The following KIAA1217 variants were observed in gnomAD, a reference collection of about 807,000 sequenced individuals.
KIAA1217 encodes sickle tail protein homolog.
Under a neutral mutation model 163.9 loss-of-function variants are expected in KIAA1217, and 88 were observed. The ratio of observed to expected loss-of-function variants is 0.54; its 90% CI spans 0.45 to 0.64. The LOEUF (loss-of-function observed/expected upper bound fraction) is 0.64. Ranked by LOEUF, KIAA1217 falls within the 30% of genes least tolerant of loss-of-function variation. The probability of loss-of-function intolerance (pLI) is 0.00; values close to 1 mark genes in which losing one functional copy is unlikely to be tolerated. For missense variants in KIAA1217, 2,372 were observed against 2,475.0 expected, an observed-to-expected ratio of 0.96 and a Z score of 0.88; for synonymous variants, 903 against 923.1, an observed-to-expected ratio of 0.98 and a Z score of 0.39.
intron 1 of KIAA1217, among the ~76,000 whole-genome samples, chr10:23,882,097 G>A (rs943464786): frequency 7.9e-5 from 12 of 151,884 alleles, no homozygotes; most frequent in South Asian, 2.1e-4. Flanking sequence ...TTAAAGTTTC[G>A]AATACATTCA....
At chr10:23,958,683 G>A (rs1002199338) in intron 1 of KIAA1217, among the ~76,000 whole-genome samples, 5 of 152,062 alleles carry the variant, frequency 3.3e-5, no homozygotes, top group Non-Finnish European at 7.4e-5. Context: ...GAGAGTGAGA[G>A]ATTGTTTGGT....
At chr10:24,175,549 ATTCT>A (rs2065840616) in intron 2 of KIAA1217, among the ~76,000 whole-genome samples, 1 of 152,030 alleles carries the variant, frequency 6.6e-6, no homozygotes, top group African/African-American at 2.4e-5. Flanking sequence ...CCATTCATTC[ATTCT>A]TTTTTTGAGT....
At chr10:24,138,646 CAA>C (rs35117486) in intron 2 of KIAA1217, among the ~76,000 whole-genome samples, 2 of 143,946 alleles carry the variant, frequency 1.4e-5, no homozygotes, top group Non-Finnish European at 3.0e-5. Context: ...ATTCATTAAC[CAA>C]AAAAAAAAAA....
chr10:24,484,968 T>G (rs745580806), intron 6 of KIAA1217, among the ~76,000 whole-genome samples: 41 of 152,062 alleles, frequency 2.7e-4, no homozygotes, highest in Non-Finnish European at 4.9e-4. Context: ...CCTGGAGCCT[T>G]CCCTAAGTGC....
At chr10:24,171,195 T>C (rs2131914513) in intron 2 of KIAA1217, among the ~76,000 whole-genome samples, 1 of 152,342 alleles carries the variant, frequency 6.6e-6, no homozygotes, top group African/African-American at 2.4e-5. Context: ...CAAATGGGTT[T>C]GTGATGACAT....
chr10:24,176,576 CAG>C (rs2065901040), intron 2 of KIAA1217, among the ~76,000 whole-genome samples: 2 of 152,216 alleles, frequency 1.3e-5, no homozygotes, highest in African/African-American at 2.4e-5. Flanking sequence ...GAGCTAGACA[CAG>C]AGTGCTGATT....
chr10:24,415,788 CT>C (rs1276519154), intron 3 of KIAA1217, among the ~76,000 whole-genome samples: 1 of 152,200 alleles, frequency 6.6e-6, no homozygotes, highest in Non-Finnish European at 1.5e-5. Context: ...TCAGGAACCC[CT>C]TTATTGCTCT....
intron 2 of KIAA1217, among the ~76,000 whole-genome samples, chr10:24,373,930 A>G: frequency 6.6e-6 from 1 of 152,190 alleles, no homozygotes; most frequent in East Asian, 1.9e-4. Context: ...ACACACAGAG[A>G]AGGAAAATGT....
At chr10:23,825,149 C>A (rs1364407522) in intron 1 of KIAA1217, among the ~76,000 whole-genome samples, 2 of 152,152 alleles carry the variant, frequency 1.3e-5, no homozygotes, top group Non-Finnish European at 2.9e-5. Context: ...TCACAGTCTG[C>A]AAACCCTATT....
chr10:23,908,479 C>T (rs1237940330), intron 1 of KIAA1217, among the ~76,000 whole-genome samples: 1 of 152,020 alleles, frequency 6.6e-6, no homozygotes, highest in Non-Finnish European at 1.5e-5. Flanking sequence ...CCTCGGCTCA[C>T]CCCTTAGGTG....
chr10:24,346,903 C>G (rs992680068), intron 2 of KIAA1217, among the ~76,000 whole-genome samples: 6 of 152,128 alleles, frequency 3.9e-5, no homozygotes, highest in African/African-American at 1.4e-4. Flanking sequence ...AGATAATATG[C>G]AAACACTACT....
chr10:24,203,445 T>G (rs1306870159), intron 2 of KIAA1217, among the ~76,000 whole-genome samples: 3 of 151,996 alleles, frequency 2.0e-5, no homozygotes, highest in Non-Finnish European at 4.4e-5. Flanking sequence ...AGGAGTCAGT[T>G]TGTTCAGCAG....
intron 2 of KIAA1217, among the ~76,000 whole-genome samples, chr10:24,194,620 C>T (rs1234791576): frequency 1.3e-5 from 2 of 151,644 alleles, no homozygotes; most frequent in African/African-American, 4.8e-5. Context: ...GTCAACCAGA[C>T]TGAAGTGGAA....
At chr10:24,073,981 A>G (rs1330838216) in intron 2 of KIAA1217, among the ~76,000 whole-genome samples, 2 of 152,146 alleles carry the variant, frequency 1.3e-5, no homozygotes, top group Non-Finnish European at 2.9e-5. Flanking sequence ...GTACTGCAGT[A>G]GAACAAAATG....
intron 6 of KIAA1217, among the ~76,000 whole-genome samples, chr10:24,484,157 A>G (rs1564771569): frequency 1.4e-5 from 2 of 145,400 alleles, no homozygotes; most frequent in African/African-American, 5.0e-5. Context: ...ATATATGTAT[A>G]TGTGTGTGTA....
At chr10:24,234,194 G>T (rs887372748) in intron 2 of KIAA1217, among the ~76,000 whole-genome samples, 2 of 151,866 alleles carry the variant, frequency 1.3e-5, no homozygotes, top group Non-Finnish European at 2.9e-5. Flanking sequence ...TCATGCTCAT[G>T]GAAGCATTTC....
At chr10:24,090,164 C>CTTTTTTTT (rs1162687231) in intron 2 of KIAA1217, among the ~76,000 whole-genome samples, 13 of 109,234 alleles carry the variant, frequency 1.2e-4, no homozygotes, top group Non-Finnish European at 2.2e-4. Flanking sequence ...TTTTCTTTTT[C>CTTTTTTTT]TTTTTTTTTT....
chr10:24,010,487 T>C (rs1041631681), intron 2 of KIAA1217, among the ~76,000 whole-genome samples: 4 of 152,092 alleles, frequency 2.6e-5, no homozygotes, highest in African/African-American at 9.6e-5. Flanking sequence ...CCTTTTTTTT[T>C]TTTACCAATT....
intron 2 of KIAA1217, among the ~76,000 whole-genome samples, chr10:24,175,441 A>ATT (rs1480890296): frequency 3.2e-5 from 4 of 125,772 alleles, no homozygotes; most frequent in Admixed American, 7.8e-5. Flanking sequence ...TGGTGTATAT[A>ATT]TATGTGTGTG....
Sources: gnomAD v4.1 joint callset for allele counts (sites outside exome capture counted in the v4.1 genomes callset) on GRCh38, gnomAD v4.1.1 for gene constraint, MANE v1.5 for transcripts, NCBI Gene and HGNC (gene_info 2026-07-23, HGNC 2026-07-21) for gene names.